EIF3F: variants seen among roughly 807,000 people sequenced by gnomAD.
EIF3F encodes eukaryotic translation initiation factor 3 subunit F, also known as deubiquitinating enzyme eIF3f.
A neutral mutation model predicts 36.0 loss-of-function variants in EIF3F; 8 were observed. The observed-to-expected ratio is 0.22, with a 90% CI of 0.13 to 0.40. The LOEUF is 0.40. Among genes scored for constraint, EIF3F ranks in the 10% least tolerant of loss-of-function variants. The probability of loss-of-function intolerance (pLI) is 1.00; values close to 1 mark genes in which losing one functional copy is unlikely to be tolerated. For synonymous variants in EIF3F, 184 were observed against 188.5 expected, an observed-to-expected ratio of 0.98 and a Z score of 0.19; for missense variants, 430 against 467.6, an observed-to-expected ratio of 0.92 and a Z score of 0.74.
intron 1 of EIF3F, among the ~76,000 whole-genome samples, chr11:7,989,079 C>T (rs184176643): frequency 1.3e-5 from 2 of 152,336 alleles, no homozygotes; most frequent in Admixed American, 1.3e-4. Flanking sequence ...GCTCTACCTA[C>T]CTTCCACGTT....
At chr11:7,992,625 G>A (rs995286041) in intron 3 of EIF3F, 1 of 510,910 alleles carries the variant, frequency 2.0e-6, no homozygotes, top group Non-Finnish European at 3.5e-6. Flanking sequence ...TGAATTCAGT[G>A]GGTTTTGCTG....
intron 7 of EIF3F, 62 bp downstream of exon 7, chr11:7,995,429 C>T: frequency 2.2e-6 from 3 of 1,343,938 alleles, no homozygotes; most frequent in Non-Finnish European, 3.2e-6. Context: ...CACATACACT[C>T]AAATGTGAAA....
At chr11:7,992,038 T>G (rs771696683) in intron 2 of EIF3F, 46 bp from the exon 3 acceptor site, 2 of 1,599,200 alleles carry the variant, frequency 1.3e-6, no homozygotes, top group Non-Finnish European at 1.7e-6. Context: ...CCAATTTTTC[T>G]TTGGACTTCT....
At position 7,999,296 on chromosome 11, in the gene EIF3F, T is replaced by A. The variant is rs1942194443; in HGVS notation, c.*3274T>A. On this transcript the variant is annotated 3_prime_UTR_variant, in exon 8 of 8. Transcript: ENST00000651655. ...AAAAAGTGAAAAGGAGGAGGGTTTT[T>A]AAAAAATTAGTACTACCCAGTTGAT... The A allele has an allele frequency of 1.3e-5, 2 of 152,100 alleles. No individual in the cohort carries two copies. The highest frequency in any genetic ancestry group is 2.1e-4 in the South Asian group (1 of 4,822). The allele number at this position is 152,100 out of a possible 1,614,324, so 9.4% of individuals were successfully genotyped here.
At chr11:7,994,776 C>G in intron 5 of EIF3F, 1 of 756,610 alleles carries the variant, frequency 1.3e-6, no homozygotes. Context: ...GATGAGCATA[C>G]CAGGTAAAAG....
intron 4 of EIF3F, among the ~76,000 whole-genome samples, chr11:7,994,088 T>A (rs529166619): frequency 1.1e-3 from 167 of 152,282 alleles, no homozygotes; most frequent in Non-Finnish European, 1.9e-3. Flanking sequence ...TGTCTCTGTC[T>A]CCTTTCCATG....
At chr11:7,991,987 G>C in intron 2 of EIF3F, 97 bp from the exon 3 acceptor site, 2 of 1,485,158 alleles carry the variant, frequency 1.3e-6, no homozygotes, top group Admixed American at 1.7e-5. Context: ...TACTTCCTGG[G>C]CCTCTTCTGT....
rs749656019 is a variant in EIF3F, at chr11:7,987,600, C to T, written c.248C>T (p.Pro83Leu). The T allele has an allele frequency of 6.3e-7, 1 of 1,590,468 alleles. No individual in the cohort carries two copies. The highest frequency in any genetic ancestry group is 1.1e-5 in the South Asian group (1 of 88,710). Reference protein sequence around the residue: ...PAPALPGPALPGPFPGGRVVR... With the variant: ...PAPALPGPALLGPFPGGRVVR... The stretch of plus-strand genomic sequence containing the variant: ...CCCGCTCTGCCTGGTCCTGCTCTTC[C>T]AGGGCCCTTCCCCGGCGGCCGCGTG... Residue 83 changes from proline to leucine, a missense_variant, in exon 1 of 8, where the codon CCA (proline) becomes CTA (leucine). Coordinates refer to ENST00000651655, the MANE Select transcript of EIF3F (RefSeq NM_003754.3).
chr11:7,987,371 C>G lies in EIF3F; in HGVS notation c.19C>G (p.Pro7Ala). 6.3e-7 allele frequency: 1 copy of G among 1,595,968 alleles called. No individual in the cohort carries two copies. Among genetic ancestry groups the G allele is most frequent in the Non-Finnish European group, 8.5e-7 (1 of 1,177,530 alleles). ...CGACAAGATGGCCACACCGGCGGTA[C>G]CAGTAAGTGCTCCTCCGGCCACGCC... MATPAVPVSAPPATPTP... is the reference protein window; with the variant it reads MATPAVAVSAPPATPTP... The change falls in exon 1 of 8, where the codon CCA (proline) becomes GCA (alanine). Residue 7 changes from proline (P) to alanine (A), a missense_variant. Physicochemically the swap from Pro to Ala is conservative, Grantham distance 27 (BLOSUM62 -1). Transcript: ENST00000651655.
intron 7 of EIF3F, 55 bp downstream of exon 7, chr11:7,995,422 A>T (rs760381923): frequency 1.5e-6 from 2 of 1,369,618 alleles, no homozygotes; most frequent in South Asian, 2.3e-5. Flanking sequence ...ACCTCAGCAC[A>T]TACACTCAAA....
intron 3 of EIF3F, chr11:7,992,556 G>T: frequency 2.3e-6 from 1 of 432,662 alleles, no homozygotes; most frequent in Non-Finnish European, 4.2e-6. Flanking sequence ...CAGCCTGAGT[G>T]ACAGAGTGCG....
chr11:7,995,953 G>C lies in EIF3F; in HGVS notation c.1005G>C (p.Leu335Phe), dbSNP rs1942155491. ...TATTCTTTGTCTTCCAGGACCTTTTGATGGTGACCTACCTGGCCAACCTCA... is the reference window on the plus strand; with the variant it reads ...TATTCTTTGTCTTCCAGGACCTTTTCATGGTGACCTACCTGGCCAACCTCA... ...TMLNSNINDLLMVTYLANLTQ... is the reference protein window; with the variant it reads ...TMLNSNINDLFMVTYLANLTQ... Residue 335 changes from leucine to phenylalanine, a missense_variant, in exon 8 of 8, where the codon TTG becomes TTC. Leu to Phe is a conservative substitution (Grantham distance 22, BLOSUM62 0). This residue lies in a region of EIF3F where 262 missense variants were observed against 347.4 expected (regional missense o/e 0.75). Coordinates refer to ENST00000651655, the MANE Select transcript of EIF3F (RefSeq NM_003754.3). 2 of 1,613,758 alleles carry C rather than the reference G, an allele frequency of 1.2e-6. No homozygotes were observed. Among genetic ancestry groups the C allele is most frequent in the Non-Finnish European group, 8.5e-7 (1 of 1,179,826 alleles).
Position 7,987,683 on chromosome 11 carries a change from G to C in EIF3F, c.331G>C (p.Glu111Gln). 6.6e-7 allele frequency: 1 copy of C among 1,517,040 alleles called. No homozygotes were observed. The highest frequency in any genetic ancestry group is 1.3e-5 in the South Asian group (1 of 75,580). 94.0% of individuals were successfully genotyped at this position (1,517,040 alleles called of 1,614,324 possible). A position where few individuals can be genotyped will look rare whatever the true frequency, so the allele number is the denominator to read the frequency against. ...TGTGGACAGCTACGAGAGACGCAAC[G>C]AGGGTGCTGCCCGAGTTATCGGGAC... ...SIVDSYERRN[E>Q]GAARVIGTLL... The change falls in exon 1 of 8, where the codon GAG becomes CAG. Residue 111 changes from glutamate to glutamine, a missense_variant. Coordinates refer to ENST00000651655, the MANE Select transcript of EIF3F (RefSeq NM_003754.3).
chr11:7,995,127 G>A lies in EIF3F; in HGVS notation c.882+9G>A. 6.2e-7 allele frequency: 1 copy of A among 1,611,406 alleles called. No individual in the cohort carries two copies. The highest frequency in any genetic ancestry group is 1.7e-4 in the Middle Eastern group (1 of 6,034). Reference sequence around the variant, plus strand: ...ATGCAGAGGATGTACTGGTGAGAGGGGAAAGAAAAAACAAAGGGGGAGGAC... The same window carrying A: ...ATGCAGAGGATGTACTGGTGAGAGGAGAAAGAAAAAACAAAGGGGGAGGAC... On this transcript the variant is annotated intron_variant, in intron 6 of 7. Coordinates refer to ENST00000651655, the MANE Select transcript of EIF3F (RefSeq NM_003754.3).
rs1274545707 is a variant in EIF3F at position 7,987,360 on chromosome 11, C to T, written c.8C>T (p.Thr3Ile). Residue 3 changes from threonine (T) to isoleucine (I), a missense_variant, in exon 1 of 8, where the codon ACA becomes ATA. Transcript: ENST00000651655. Reference sequence around the variant, plus strand: ...TCCTTCTTTCTCGACAAGATGGCCACACCGGCGGTACCAGTAAGTGCTCCT... The same window carrying T: ...TCCTTCTTTCTCGACAAGATGGCCATACCGGCGGTACCAGTAAGTGCTCCT... MATPAVPVSAPPA... is the reference protein window; with the variant it reads MAIPAVPVSAPPA... 3.1e-6 allele frequency: 5 copies of T among 1,593,248 alleles called. No homozygotes were observed. The African/African-American group carries it at 4.0e-5, about 13-fold the overall frequency.
chr11:7,987,430 T>TCCAGCG lies in EIF3F; in HGVS notation c.82_87dup (p.Ala28_Pro29dup), dbSNP rs917726043. On this transcript the variant is annotated inframe_insertion, in exon 1 of 8. Transcript: ENST00000651655. ...TCCCGGCGGCGGCCCCAGCCTCAGT[T>TCCAGCG]CCAGCGCCAACGCCAGCACCGGCTG... 2 of 1,602,268 alleles carry TCCAGCG rather than the reference T, an allele frequency of 1.2e-6. No homozygotes were observed. The highest frequency in any genetic ancestry group is 1.7e-6 in the Non-Finnish European group (2 of 1,179,350).
In EIF3F at chr11:7,997,234, G is replaced by A. The variant is rs1200051048; in HGVS notation, c.*1212G>A. ...CAAAATGATAATGACAGGCCAAATT[G>A]TTAAAGGTAGGTTAAAAGTAGACAG... On this transcript the variant is annotated 3_prime_UTR_variant, in exon 8 of 8. Transcript: ENST00000651655. 1 of 152,160 alleles carries A rather than the reference G, an allele frequency of 6.6e-6. No individual in the cohort carries two copies. The highest frequency in any genetic ancestry group is 6.6e-5 in the Admixed American group (1 of 15,260). 9.4% of individuals were successfully genotyped at this position (152,160 alleles called of 1,614,324 possible).
chr11:7,989,749 C>CA (rs1942071224), intron 1 of EIF3F, among the ~76,000 whole-genome samples: 1 of 151,942 alleles, frequency 6.6e-6, no homozygotes, highest in African/African-American at 2.4e-5. Context: ...GAAAAGTTCA[C>CA]AAAAAAGATG....
At chr11:7,987,776 C>T (rs760821042) in intron 1 of EIF3F, 60 bp downstream of exon 1, 77 of 1,414,114 alleles carry the variant, frequency 5.4e-5, no homozygotes, top group Non-Finnish European at 6.8e-5. Flanking sequence ...TTATCTCACT[C>T]CCCTAACTCA....
Sources: gnomAD v4.1 joint callset for allele counts (sites outside exome capture counted in the v4.1 genomes callset) on GRCh38, gnomAD v4.1.1 for gene constraint, gnomAD v4.1.1 regional missense constraint, MANE v1.5 for transcripts, NCBI Gene and HGNC (gene_info 2026-07-23, HGNC 2026-07-21) for gene names.